Variants in CAPN2 observed in about 807,000 individuals in gnomAD.
CAPN2 encodes calpain-2 catalytic subunit.
In CAPN2, 92 loss-of-function variants were observed where a neutral mutation model predicts 102.3. The ratio of observed to expected loss-of-function variants is 0.90; its 90% confidence interval spans 0.76 to 1.07. The LOEUF (loss-of-function observed/expected upper bound fraction) is 1.07. Among genes scored for constraint, CAPN2 ranks in the 50% least tolerant of loss-of-function variants. The probability of loss-of-function intolerance (pLI) is 0.00; values close to 1 mark genes in which losing one functional copy is unlikely to be tolerated. For missense variants in CAPN2, 800 were observed against 909.4 expected, an observed-to-expected ratio of 0.88 and a Z score of 1.55; for synonymous variants, 340 against 355.4, an observed-to-expected ratio of 0.96 and a Z score of 0.49.
Position 223,756,788 on chromosome 1 carries a change from C to G in CAPN2, c.1306-581C>G, listed in dbSNP as rs993944983. ...GAGGACTTCGGATCTGGGACAGAAT[C>G]GATCCAAGGACAATGCAAATGGAAT... On this transcript the variant is annotated intron_variant, in intron 10 of 20. Transcript: ENST00000295006. The surrounding 1 kb of genome is among the most constrained non-coding windows in gnomAD (Gnocchi z 4.1). Among the ~76,000 whole-genome samples the G allele has an allele frequency of 6.6e-6, 1 of 152,208 alleles. No homozygotes were observed. Among genetic ancestry groups the G allele is most frequent in the African/African-American group, 2.4e-5 (1 of 41,450 alleles).
At chr1:223,757,237 A>T (rs1661058275) in intron 10 of CAPN2, 132 bp from the exon 11 acceptor site, 4 of 997,286 alleles carry the variant, frequency 4.0e-6, no homozygotes. Context: ...CTTGGAAAAC[A>T]GTTACTCGGT....
chr1:223,757,516 G>A (rs1199103854), intron 11 of CAPN2, 136 bp downstream of exon 11: 1 of 941,714 alleles, frequency 1.1e-6, no homozygotes, highest in African/African-American at 1.6e-5. Context: ...CACCCCTGGG[G>A]CCCTGCTGAA....
chr1:223,749,803 C>T (rs1189474154), intron 6 of CAPN2, among the ~76,000 whole-genome samples: 1 of 152,054 alleles, frequency 6.6e-6, no homozygotes. Flanking sequence ...TCACTCGAGC[C>T]TAGGAGTTCA....
rs147213637 is a variant in CAPN2, at chr1:223,725,473, A to G, written c.307+7642A>G. Among the ~76,000 whole-genome samples the G allele has an allele frequency of 7.5e-4, 115 of 152,344 alleles. No individual in the cohort carries two copies. Among genetic ancestry groups the G allele is most frequent in the African/African-American group, 2.7e-3 (112 of 41,586 alleles). ...AGCTCAGAGCTCCAGAGGCTGGTAC[A>G]TAGTAAAGGTTTAATCCATGCAGAT... On this transcript the variant is annotated intron_variant, in intron 2 of 20. Coordinates refer to ENST00000295006, the MANE Select transcript of CAPN2 (RefSeq NM_001748.5). This position sits in a 1 kb window ranked among gnomAD's most constrained non-coding sequence, Gnocchi z 4.1.
Position 223,731,139 on chromosome 1 carries a change from A to T in CAPN2, c.308-12961A>T, listed in dbSNP as rs1466635296. Among the ~76,000 whole-genome samples, 1 of 152,138 alleles carries T rather than the reference A, an allele frequency of 6.6e-6. No homozygotes were observed. Among genetic ancestry groups the T allele is most frequent in the Non-Finnish European group, 1.5e-5 (1 of 68,020 alleles). Reference sequence around the variant, plus strand: ...TACCCCAAAGGATGATTAAGGAGGGAGAGTTGGAAGGAAGGTTTCCCACAA... The same window carrying T: ...TACCCCAAAGGATGATTAAGGAGGGTGAGTTGGAAGGAAGGTTTCCCACAA... On this transcript the variant is annotated intron_variant, in intron 2 of 20. Transcript: ENST00000295006. This position sits in a 1 kb window ranked among gnomAD's most constrained non-coding sequence, Gnocchi z 4.2.
At chr1:223,712,909 CG>C (rs1224819864) in intron 1 of CAPN2, 32 bp downstream of exon 1, 9 of 1,452,784 alleles carry the variant, frequency 6.2e-6, no homozygotes, top group Non-Finnish European at 8.3e-6. Context: ...GCGGGCAGGG[CG>C]GGGTGCCGGG....
At chr1:223,728,016 C>T (rs1385357672) in intron 2 of CAPN2, among the ~76,000 whole-genome samples, 1 of 152,096 alleles carries the variant, frequency 6.6e-6, no homozygotes, top group East Asian at 1.9e-4. Context: ...CTTGCTGGCA[C>T]CCCCAGGTGG....
chr1:223,749,167 G>A (rs777094351), intron 6 of CAPN2, 45 bp downstream of exon 6: 1 of 1,525,732 alleles, frequency 6.6e-7, no homozygotes, highest in South Asian at 1.1e-5. Context: ...GTCCTGACAC[G>A]ATGGCCACAG....
chr1:223,721,878 A>G (rs1204479736), intron 2 of CAPN2, among the ~76,000 whole-genome samples: 3 of 152,274 alleles, frequency 2.0e-5, no homozygotes, highest in Non-Finnish European at 4.4e-5. Flanking sequence ...AGTGAGATTT[A>G]TACAGGCAAA....
rs751128 is a variant in CAPN2 at position 223,764,139 on chromosome 1, T to C, written c.1633-11T>C. On this transcript the variant is annotated splice_polypyrimidine_tract_variant and intron_variant, in intron 14 of 20. Transcript: ENST00000295006. The stretch of plus-strand genomic sequence containing the variant: ...GGGGCCAATAACTATGCTCTGGTTA[T>C]GTGTCCACAGGATGCGGAGATCTCT... The C allele has an allele frequency of 0.42, 671,143 of 1,608,912 alleles. 141,344 individuals are homozygous for C. Among genetic ancestry groups the C allele is most frequent in the African/African-American group, 0.5 (37,189 of 74,766 alleles).
At chr1:223,752,977 G>A in intron 9 of CAPN2, 21 bp downstream of exon 9, 1 of 1,612,452 alleles carries the variant, frequency 6.2e-7, no homozygotes, top group Non-Finnish European at 8.5e-7. Context: ...TTGCATATAA[G>A]GGCTGTTGCA....
At position 223,749,308 on chromosome 1, in the gene CAPN2, G is replaced by T. The variant is rs1660829552; in HGVS notation, c.813+186G>T. 1.2e-5 allele frequency: 7 copies of T among 600,090 alleles called. No homozygotes were observed. In the South Asian group the frequency reaches 1.2e-4, roughly 10 times the overall value. The allele number at this position is 600,090 out of a possible 1,614,324, so 37.2% of individuals were successfully genotyped here. On this transcript the variant is annotated intron_variant, in intron 6 of 20. Transcript: ENST00000295006. ...CTTTCGCAGCTCGGGCGCCGGGTGCGCCGCGCTGCCACCTGGTGGCCGCAG... is the reference window on the plus strand; with the variant it reads ...CTTTCGCAGCTCGGGCGCCGGGTGCTCCGCGCTGCCACCTGGTGGCCGCAG...
At chr1:223,742,327 G>A (rs1571799876) in intron 2 of CAPN2, among the ~76,000 whole-genome samples, 1 of 151,910 alleles carries the variant, frequency 6.6e-6, no homozygotes, top group African/African-American at 2.4e-5. Context: ...AGGAGGCAGA[G>A]GTTGCAGTGA....
At chr1:223,715,133 G>A (rs1558058770) in intron 1 of CAPN2, among the ~76,000 whole-genome samples, 2 of 152,194 alleles carry the variant, frequency 1.3e-5, no homozygotes. Flanking sequence ...CTTCTCAAAT[G>A]CTGCTGAGGT....
At chr1:223,766,239 A>G (rs979831711) in intron 15 of CAPN2, 128 bp from the exon 16 acceptor site, 9 of 692,884 alleles carry the variant, frequency 1.3e-5, no homozygotes, top group Non-Finnish European at 2.4e-5. Context: ...ACATGTGGCT[A>G]TTTAATATAA....
At chr1:223,718,383 A>G (rs992170921) in intron 2 of CAPN2, among the ~76,000 whole-genome samples, 3 of 152,260 alleles carry the variant, frequency 2.0e-5, no homozygotes, top group Non-Finnish European at 4.4e-5. Context: ...TCATTTAAGT[A>G]AAATGAACTG....
chr1:223,772,016 A>G (rs1661490283), intron 19 of CAPN2, 91 bp downstream of exon 19: 1 of 1,128,214 alleles, frequency 8.9e-7, no homozygotes, highest in Admixed American at 1.7e-5. Context: ...TAAACTAGAG[A>G]CATGTCTTCC....
At chr1:223,764,064 G>A in intron 14 of CAPN2, 86 bp from the exon 15 acceptor site, 1 of 1,043,524 alleles carries the variant, frequency 9.6e-7, no homozygotes, top group Admixed American at 1.7e-5. Context: ...CCCACCGCAG[G>A]CCTACCTAAT....
chr1:223,754,042 G>A lies in CAPN2; in HGVS notation c.1135+1086G>A, dbSNP rs1356617692. On this transcript the variant is annotated intron_variant, in intron 9 of 20. Transcript: ENST00000295006. The surrounding 1 kb of genome is among the most constrained non-coding windows in gnomAD (Gnocchi z 4.7). ...CTTATCACCTCCATCTCTAAGATGAGGAAACTGAGGCTTGGAGAGGCTAGT... is the reference window on the plus strand; with the variant it reads ...CTTATCACCTCCATCTCTAAGATGAAGAAACTGAGGCTTGGAGAGGCTAGT... 6.6e-6 allele frequency among the ~76,000 whole-genome samples: 1 copy of A among 152,194 alleles called. No homozygotes were observed. The highest frequency in any genetic ancestry group is 2.4e-5 in the African/African-American group (1 of 41,458).
Sources: allele counts gnomAD v4.1 joint callset (sites outside exome capture counted in the v4.1 genomes callset), GRCh38; gene constraint gnomAD v4.1.1; non-coding constraint Gnocchi (gnomAD v3.1); transcripts MANE v1.5; gene names NCBI Gene and HGNC (gene_info 2026-07-23, HGNC 2026-07-21).